ERG: variants seen among roughly 807,000 people sequenced by gnomAD.
The protein encoded by ERG is ETS transcription factor ERG, also known as transcriptional regulator ERG.
Under a neutral mutation model 55.3 loss-of-function variants are expected in ERG, and 9 were observed. The observed-to-expected ratio is 0.16, with a 90% CI of 0.10 to 0.28. The LOEUF (loss-of-function observed/expected upper bound fraction) is 0.28. Ranked by LOEUF, ERG falls within the 10% of genes least tolerant of loss-of-function variation. The probability of loss-of-function intolerance (pLI) is 1.00; values close to 1 mark genes in which losing one functional copy is unlikely to be tolerated. For missense variants in ERG, 434 were observed against 631.6 expected (o/e 0.69, Z 3.35); for synonymous variants, 223 against 237.3 (o/e 0.94, Z 0.55).
intron 3 of ERG, among the ~76,000 whole-genome samples, chr21:38,406,546 A>G (rs1425728556): frequency 6.6e-6 from 1 of 152,160 alleles, no homozygotes; most frequent in African/African-American, 2.4e-5. Context: ...CCTCACAGAG[A>G]GAAGACCCCC....
intron 1 of ERG, among the ~76,000 whole-genome samples, chr21:38,465,827 A>AT (rs2059083809): frequency 6.6e-6 from 1 of 152,222 alleles, no homozygotes; most frequent in South Asian, 2.1e-4. Context: ...GATACTGAAT[A>AT]TGTCACTGTG....
intron 1 of ERG, among the ~76,000 whole-genome samples, chr21:38,447,573 A>T (rs975652696): frequency 6.6e-6 from 1 of 150,948 alleles, no homozygotes; most frequent in African/African-American, 2.4e-5. Context: ...TTTCTCTTCC[A>T]GTCACAATTG....
intron 1 of ERG, among the ~76,000 whole-genome samples, chr21:38,624,242 G>A (rs1391984891): frequency 5.6e-5 from 8 of 143,024 alleles, no homozygotes; most frequent in Admixed American, 2.1e-4. Context: ...TCTGGCATAC[G>A]CCACTTAAAC....
chr21:38,568,612 G>A (rs1005869953), intron 2 of ERG, among the ~76,000 whole-genome samples: 10 of 152,200 alleles, frequency 6.6e-5, no homozygotes, highest in African/African-American at 2.2e-4. Flanking sequence ...TTCCCCACAT[G>A]TGAACAGCAA....
intron 1 of ERG, among the ~76,000 whole-genome samples, chr21:38,611,571 C>T (rs946929510): frequency 2.6e-5 from 4 of 152,168 alleles, no homozygotes; most frequent in Non-Finnish European, 5.9e-5. Context: ...GCTCCCCCTT[C>T]GCCTCCCACA....
chr21:38,428,191 C>A (rs1324914605), intron 2 of ERG, among the ~76,000 whole-genome samples: 42 of 138,802 alleles, frequency 3.0e-4, no homozygotes, highest in Admixed American at 5.1e-4. Context: ...AAAAAAAAAA[C>A]AAAAGAGAGA....
intron 9 of ERG, among the ~76,000 whole-genome samples, chr21:38,384,300 G>A (rs1485064749): frequency 6.6e-6 from 1 of 152,206 alleles, no homozygotes; most frequent in Non-Finnish European, 1.5e-5. Context: ...GAGGCTTGGA[G>A]GAGGCCAGAA....
At chr21:38,637,337 C>T (rs896834832) in intron 1 of ERG, among the ~76,000 whole-genome samples, 19 of 152,294 alleles carry the variant, frequency 1.2e-4, no homozygotes, top group South Asian at 2.1e-4. Context: ...TGATTCAGAG[C>T]TTAAGAAACA....
intron 2 of ERG, among the ~76,000 whole-genome samples, chr21:38,430,268 A>G (rs1184517831): frequency 1.3e-5 from 2 of 151,218 alleles, no homozygotes; most frequent in African/African-American, 4.9e-5. Flanking sequence ...GAAATTATTT[A>G]TTTTTTTCTT....
At chr21:38,379,940 C>T, downstream of ERG, 2 of 886,654 alleles carry the variant, frequency 2.3e-6, no homozygotes, top group Non-Finnish European at 2.7e-6. Flanking sequence ...ATCCACCCGC[C>T]TCTGTCCTTC....
At chr21:38,640,926 C>G (rs2060420805) in intron 1 of ERG, among the ~76,000 whole-genome samples, 2 of 152,160 alleles carry the variant, frequency 1.3e-5, no homozygotes, top group South Asian at 4.1e-4. Flanking sequence ...CGCAGAAATA[C>G]TATTTGACTT....
At chr21:38,621,684 C>T (rs2060291202) in intron 1 of ERG, among the ~76,000 whole-genome samples, 1 of 152,170 alleles carries the variant, frequency 6.6e-6, no homozygotes, top group South Asian at 2.1e-4. Context: ...AAACCCATCT[C>T]TTCTGGCAGA....
intron 1 of ERG, among the ~76,000 whole-genome samples, chr21:38,628,913 A>T (rs2060340813): frequency 6.6e-6 from 1 of 152,214 alleles, no homozygotes; most frequent in African/African-American, 2.4e-5. Flanking sequence ...GCTTTAGAGG[A>T]CTAGGGCCTC....
Position 38,380,149 on chromosome 21 carries a change from T to G in ERG, c.*3254A>C. 2.0e-5 allele frequency: 21 copies of G among 1,041,270 alleles called. No homozygotes were observed. The highest frequency in any genetic ancestry group is 2.4e-5 in the Non-Finnish European group (21 of 864,204). The allele number at this position is 1,041,270 out of a possible 1,614,324, so 64.5% of individuals were successfully genotyped here. A position where few individuals can be genotyped will look rare whatever the true frequency, so the allele number is the denominator to read the frequency against. The stretch of plus-strand genomic sequence containing the variant: ...GCTTTTTAAAAAATATTTTCTTCTC[T>G]TTCTCCAGGCAATGGGTCACTTTGG... On this transcript the variant is annotated 3_prime_UTR_variant, in exon 10 of 10. Transcript: ENST00000288319.
intron 2 of ERG, among the ~76,000 whole-genome samples, chr21:38,508,762 T>C (rs553852227): frequency 1.3e-5 from 2 of 152,214 alleles, no homozygotes; most frequent in South Asian, 2.1e-4. Flanking sequence ...TAAAGTGACA[T>C]TGACTTTGCT....
chr21:38,608,249 G>C (rs951925308), intron 1 of ERG, among the ~76,000 whole-genome samples: 3 of 152,014 alleles, frequency 2.0e-5, no homozygotes, highest in Non-Finnish European at 4.4e-5. Flanking sequence ...TACTGAAAAA[G>C]ATATACCTGA....
intron 2 of ERG, among the ~76,000 whole-genome samples, chr21:38,557,843 C>T (rs184208663): frequency 1.8e-3 from 276 of 152,224 alleles, no homozygotes; most frequent in Non-Finnish European, 3.1e-3. Flanking sequence ...GCATATTAAC[C>T]CTTCTTCTTG....
chr21:38,585,558 T>TTTTTTTTTTTTTTTTTTTC, upstream of ERG, among the ~76,000 whole-genome samples: 1 of 143,292 alleles, frequency 7.0e-6, no homozygotes, highest in Admixed American at 7.0e-5. Context: ...TTTTTTTTTT[T>TTTTTTTTTTTTTTTTTTTC]AGATACAGGA....
intron 1 of ERG, among the ~76,000 whole-genome samples, chr21:38,602,678 A>G (rs1358895336): frequency 6.6e-6 from 1 of 151,950 alleles, no homozygotes; most frequent in African/African-American, 2.4e-5. Context: ...CATGCTTAAC[A>G]ATACATTCAT....
Sources: allele counts gnomAD v4.1 joint callset (sites outside exome capture counted in the v4.1 genomes callset), GRCh38; gene constraint gnomAD v4.1.1; transcripts MANE v1.5; gene names NCBI Gene and HGNC (gene_info 2026-07-23, HGNC 2026-07-21).